The following GULP1 variants were observed in gnomAD, a reference collection of about 807,000 sequenced individuals.
GULP1 encodes PTB domain-containing engulfment adapter protein 1.
In GULP1, 19 loss-of-function variants were observed where a neutral mutation model predicts 40.9. That is an observed-to-expected ratio of 0.46 (90% CI 0.32 to 0.68). The LOEUF (loss-of-function observed/expected upper bound fraction) is 0.68, where lower values mean the gene tolerates loss of function less well. GULP1 is among the 30% of genes least tolerant of loss of function. The pLI is 0.03. For missense variants in GULP1, 312 were observed against 362.2 expected, an observed-to-expected ratio of 0.86 and a Z score of 1.12; for synonymous variants, 119 against 117.6, an observed-to-expected ratio of 1.01 and a Z score of -0.08.
At chr2:188,422,068 A>G (rs2055504032) in intron 2 of GULP1, among the ~76,000 whole-genome samples, 2 of 147,854 alleles carry the variant, frequency 1.4e-5, no homozygotes, top group African/African-American at 2.5e-5. Context: ...TCATTGACTA[A>G]CTGCTGGACA....
intron 4 of GULP1, among the ~76,000 whole-genome samples, chr2:188,489,884 G>C (rs1000932303): frequency 2.6e-5 from 4 of 151,948 alleles, no homozygotes; most frequent in Non-Finnish European, 5.9e-5. Context: ...CAAAATACAA[G>C]AACAAATGGA....
chr2:188,592,555 A>G (rs1324167377), intron 11 of GULP1: 1 of 152,048 alleles, frequency 6.6e-6, no homozygotes, highest in Non-Finnish European at 1.5e-5. Flanking sequence ...ATTGTATTCC[A>G]AGTACTGGAA....
At chr2:188,575,458 T>C (rs1009706708) in intron 9 of GULP1, among the ~76,000 whole-genome samples, 1 of 152,122 alleles carries the variant, frequency 6.6e-6, no homozygotes, top group African/African-American at 2.4e-5. Context: ...TAAATACATG[T>C]AAAAATGTAG....
At chr2:188,579,977 ATATCT>A (rs1395671509) in intron 9 of GULP1, among the ~76,000 whole-genome samples, 3 of 152,188 alleles carry the variant, frequency 2.0e-5, no homozygotes, top group African/African-American at 7.2e-5. Context: ...CTTCCACTTA[ATATCT>A]TATCTTTACT....
intron 1 of GULP1, among the ~76,000 whole-genome samples, chr2:188,383,509 G>A (rs192767679): frequency 4.6e-4 from 70 of 152,304 alleles, no homozygotes; most frequent in African/African-American, 1.4e-3. Context: ...GGCTTTAATA[G>A]TAACATATCT....
intron 2 of GULP1, among the ~76,000 whole-genome samples, chr2:188,464,487 C>T (rs2059958387): frequency 6.6e-6 from 1 of 152,160 alleles, no homozygotes. Context: ...TCACCTAAGG[C>T]CTGCTGTAAA....
intron 7 of GULP1, among the ~76,000 whole-genome samples, chr2:188,569,022 C>T (rs929295804): frequency 1.3e-5 from 2 of 152,058 alleles, no homozygotes; most frequent in African/African-American, 4.8e-5. Flanking sequence ...ACCCCCAAGT[C>T]CGCTTGTTTT....
chr2:188,317,720 A>G (rs2039319706), intron 1 of GULP1, among the ~76,000 whole-genome samples: 2 of 151,986 alleles, frequency 1.3e-5, no homozygotes, highest in African/African-American at 2.4e-5. Flanking sequence ...GTATAATAAT[A>G]TACTTAATCA....
At chr2:188,492,276 A>G (rs2062467555) in intron 4 of GULP1, among the ~76,000 whole-genome samples, 1 of 152,082 alleles carries the variant, frequency 6.6e-6, no homozygotes, top group African/African-American at 2.4e-5. Context: ...TATTTTGAAA[A>G]CACAATATGT....
intron 2 of GULP1, among the ~76,000 whole-genome samples, chr2:188,391,425 T>A (rs191126081): frequency 1.4e-4 from 21 of 152,254 alleles, no homozygotes; most frequent in African/African-American, 5.1e-4. Flanking sequence ...GTTGTTGGCA[T>A]ATAGCAGTGC....
At chr2:188,347,121 T>A (rs1324039605) in intron 1 of GULP1, among the ~76,000 whole-genome samples, 1 of 152,170 alleles carries the variant, frequency 6.6e-6, no homozygotes, top group South Asian at 2.1e-4. Context: ...AATAAGGAAA[T>A]TGGGACTCAG....
rs1370007285 is a variant in GULP1, at chr2:188,482,848, TTCAA to T, written c.29-579_29-576del. Among the ~76,000 whole-genome samples, 7 of 151,864 alleles carry T rather than the reference TTCAA, an allele frequency of 4.6e-5. No homozygotes were observed. In the East Asian group the frequency reaches 9.7e-4, roughly 21 times the overall value. On this transcript the variant is annotated intron_variant, in intron 3 of 11. Coordinates refer to ENST00000409830, the MANE Select transcript of GULP1 (RefSeq NM_016315.4). ...TATCCAAAACTCCTGAGAGAAGACC[TTCAA>T]TCAGTGTTTCCTCAAATTTAGAATA...
At chr2:188,348,624 G>A (rs1455932442) in intron 1 of GULP1, among the ~76,000 whole-genome samples, 2 of 152,080 alleles carry the variant, frequency 1.3e-5, no homozygotes, top group Admixed American at 1.3e-4. Context: ...TCACGATACT[G>A]AAAGGTGAAA....
chr2:188,322,132 A>C (rs1225026440), intron 1 of GULP1, among the ~76,000 whole-genome samples: 1 of 152,174 alleles, frequency 6.6e-6, no homozygotes, highest in Non-Finnish European at 1.5e-5. Flanking sequence ...GTGCATTACA[A>C]AACTTGCCCT....
In GULP1 at chr2:188,529,240, C is replaced by A. The variant is rs1243420546; in HGVS notation, c.261+45C>A. 5.7e-6 allele frequency: 5 copies of A among 871,854 alleles called. 1 individual carries two copies. The highest frequency in any genetic ancestry group is 3.4e-5 in the African/African-American group (2 of 58,186). The allele number at this position is 871,854 out of a possible 1,614,324, so 54.0% of individuals were successfully genotyped here. On this transcript the variant is annotated intron_variant, in intron 6 of 11. Coordinates refer to ENST00000409830, the MANE Select transcript of GULP1 (RefSeq NM_016315.4). ...GTTAGAGGCAATCTTTAATTAATTG[C>A]AATTATATTCCTACTTTAACAAATA...
intron 4 of GULP1, among the ~76,000 whole-genome samples, chr2:188,503,088 C>T (rs541893582): frequency 3.9e-5 from 6 of 152,058 alleles, no homozygotes; most frequent in African/African-American, 1.4e-4. Context: ...CTGGAGATTA[C>T]ACTTCAAAAA....
chr2:188,589,801 G>A (rs1703148674), intron 11 of GULP1: 2 of 973,172 alleles, frequency 2.1e-6, no homozygotes, highest in African/African-American at 3.4e-5. Context: ...AATTTTTAAA[G>A]CTGAAACCTT....
intron 7 of GULP1, among the ~76,000 whole-genome samples, chr2:188,564,133 A>G (rs1192825350): frequency 4.6e-5 from 7 of 151,914 alleles, no homozygotes; most frequent in African/African-American, 1.7e-4. Context: ...TAAAAACTTT[A>G]AAAGTTCTAC....
chr2:188,400,558 G>T (rs1011554688), intron 2 of GULP1, among the ~76,000 whole-genome samples: 1 of 152,174 alleles, frequency 6.6e-6, no homozygotes, highest in Non-Finnish European at 1.5e-5. Context: ...TATCCTAAAT[G>T]TAGTGGAGTG....
Sources: gnomAD v4.1 joint callset for allele counts (sites outside exome capture counted in the v4.1 genomes callset) on GRCh38, gnomAD v4.1.1 for gene constraint, MANE v1.5 for transcripts, NCBI Gene and HGNC (gene_info 2026-07-23, HGNC 2026-07-21) for gene names.